The following CYP19A1 variants were observed in gnomAD, a reference collection of about 807,000 sequenced individuals.
CYP19A1 encodes the protein aromatase.
A neutral mutation model predicts 44.4 loss-of-function variants in CYP19A1; 32 were observed. The ratio of observed to expected loss-of-function variants is 0.72; its 90% CI spans 0.54 to 0.97. The LOEUF (loss-of-function observed/expected upper bound fraction) is 0.97, where lower values mean the gene tolerates loss of function less well. Among genes scored for constraint, CYP19A1 ranks in the 50% least tolerant of loss-of-function variants. The pLI, the probability that CYP19A1 is intolerant of heterozygous loss-of-function variation, is 0.00. For missense variants in CYP19A1, 598 were observed against 637.8 expected (o/e 0.94, Z 0.67); for synonymous variants, 212 against 215.6 (o/e 0.98, Z 0.14).
intron 1 of CYP19A1, among the ~76,000 whole-genome samples, chr15:51,258,634 G>C (rs28757153): frequency 1.0e-3 from 156 of 151,948 alleles, no homozygotes; most frequent in African/African-American, 3.6e-3. Flanking sequence ...TGGAGTCCAG[G>C]CCCCTGCTCC....
chr15:51,258,260 C>G (rs906479182), intron 1 of CYP19A1, among the ~76,000 whole-genome samples: 1 of 152,236 alleles, frequency 6.6e-6, no homozygotes, highest in East Asian at 1.9e-4. Context: ...TAACCATTTT[C>G]TCTCCTTTTA....
chr15:51,224,850 A>G (rs1357834794), intron 4 of CYP19A1, among the ~76,000 whole-genome samples: 2 of 152,182 alleles, frequency 1.3e-5, no homozygotes, highest in Admixed American at 1.3e-4. Context: ...ATGTATCTGC[A>G]CCAGGCACAA....
chr15:51,214,331 T>A (rs2031347946), intron 8 of CYP19A1, among the ~76,000 whole-genome samples: 1 of 152,174 alleles, frequency 6.6e-6, no homozygotes, highest in South Asian at 2.1e-4. Context: ...AGGATGAAAT[T>A]GAAGCAGAGA....
intron 1 of CYP19A1, among the ~76,000 whole-genome samples, chr15:51,275,351 G>A (rs1326229483): frequency 1.3e-5 from 2 of 152,208 alleles, no homozygotes; most frequent in South Asian, 2.1e-4. Flanking sequence ...TCTCTTCTGT[G>A]AAAAGATGCC....
chr15:51,318,931 C>G (rs1454722776), intron 1 of CYP19A1: 1 of 152,220 alleles, frequency 6.6e-6, no homozygotes. Flanking sequence ...CCACATATTT[C>G]CCCAAGCTGA....
In CYP19A1 at chr15:51,317,104, CTT is replaced by C. The variant is rs201343947; in HGVS notation, c.-39+21389_-39+21390del. 0.02 allele frequency among the ~76,000 whole-genome samples: 2,809 copies of C among 138,422 alleles called. 168 individuals carry two copies. The East Asian group carries it at 0.25, about 12-fold the overall frequency. The allele number at this position is 138,422 out of a possible 152,430, so 90.8% of individuals were successfully genotyped here. ...TTTTGGCATAAGGGAAAAATCACTT[CTT>C]TTTTTTTTTTTTTTTGACAGAGTCT... On this transcript the variant is annotated intron_variant, in intron 1 of 9. Transcript: ENST00000396402.
chr15:51,281,918 G>T lies in CYP19A1; in HGVS notation c.-38-38968C>A, dbSNP rs76833624. ...AATTTCTCTTTGTGGCTCATATTTT[G>T]GGATAGAAATGGAAGCAGAAAGGGA... On this transcript the variant is annotated intron_variant, in intron 1 of 9. Coordinates refer to ENST00000396402, the MANE Select transcript of CYP19A1 (RefSeq NM_000103.4). 8.1e-3 allele frequency among the ~76,000 whole-genome samples: 1,225 copies of T among 152,142 alleles called. 33 individuals carry two copies. The East Asian group carries it at 0.081, about 10-fold the overall frequency.
At chr15:51,292,726 A>G (rs1039623407) in intron 1 of CYP19A1, among the ~76,000 whole-genome samples, 1 of 151,864 alleles carries the variant, frequency 6.6e-6, no homozygotes, top group Non-Finnish European at 1.5e-5. Flanking sequence ...CTTTTCCTCA[A>G]CTGCACAAAG....
At chr15:51,337,194 A>T (rs898526716) in intron 1 of CYP19A1, among the ~76,000 whole-genome samples, 5 of 152,242 alleles carry the variant, frequency 3.3e-5, no homozygotes, top group African/African-American at 1.2e-4. Flanking sequence ...CTGCTGTGAG[A>T]GGACAGTTAA....
intron 1 of CYP19A1, among the ~76,000 whole-genome samples, chr15:51,247,243 T>C (rs1416451483): frequency 2.0e-5 from 3 of 152,166 alleles, no homozygotes; most frequent in Non-Finnish European, 2.9e-5. Context: ...TGCTTTATTC[T>C]CCTTTTGAGA....
chr15:51,274,880 G>A (rs900628394), intron 1 of CYP19A1, among the ~76,000 whole-genome samples: 1 of 152,172 alleles, frequency 6.6e-6, no homozygotes, highest in African/African-American at 2.4e-5. Context: ...ATAAGCCAGA[G>A]GGGACAGCAT....
At position 51,285,977 on chromosome 15, in the gene CYP19A1, C is replaced by A. The variant is rs1595758117; in HGVS notation, c.-38-43027G>T. 2.0e-5 allele frequency among the ~76,000 whole-genome samples: 3 copies of A among 152,262 alleles called. No individual in the cohort carries two copies. The East Asian group carries it at 5.8e-4, about 29-fold the overall frequency. ...TCTCACTCCTAAACACCTTACTTGCCCCCCATCCAGACGGCACCAGCTTTG... is the reference window on the plus strand; with the variant it reads ...TCTCACTCCTAAACACCTTACTTGCACCCCATCCAGACGGCACCAGCTTTG... On this transcript the variant is annotated intron_variant, in intron 1 of 9. Coordinates refer to ENST00000396402, the MANE Select transcript of CYP19A1 (RefSeq NM_000103.4).
chr15:51,269,809 C>T (rs2035058505), intron 1 of CYP19A1, among the ~76,000 whole-genome samples: 1 of 152,172 alleles, frequency 6.6e-6, no homozygotes, highest in Non-Finnish European at 1.5e-5. Flanking sequence ...CCACACAACT[C>T]GCCCTTCCCT....
intron 4 of CYP19A1, among the ~76,000 whole-genome samples, chr15:51,223,593 TCACACACACACACACA>T (rs5812545): frequency 0.019 from 1,674 of 90,214 alleles, 38 homozygotes; most frequent in Non-Finnish European, 0.02. Context: ...TCTCTCTCTC[TCACACACACACACACA>T]CACACACACA....
At chr15:51,292,395 A>G (rs913802378) in intron 1 of CYP19A1, among the ~76,000 whole-genome samples, 1 of 152,220 alleles carries the variant, frequency 6.6e-6, no homozygotes, top group Admixed American at 6.5e-5. Context: ...GCTCCTGGAC[A>G]TCATCCAGTC....
chr15:51,337,586 C>T (rs2036797598), intron 1 of CYP19A1, among the ~76,000 whole-genome samples: 1 of 152,202 alleles, frequency 6.6e-6, no homozygotes, highest in African/African-American at 2.4e-5. Context: ...GTAGAGCTCA[C>T]AGTGCTTGGG....
intron 4 of CYP19A1, 35 bp downstream of exon 4, chr15:51,227,744 C>CA: frequency 1.3e-6 from 1 of 789,820 alleles, no homozygotes; most frequent in Admixed American, 2.1e-5. Flanking sequence ...CATTCATAGA[C>CA]AAAAAAGATT....
At chr15:51,289,761 C>T (rs2035800325) in intron 1 of CYP19A1, among the ~76,000 whole-genome samples, 1 of 152,114 alleles carries the variant, frequency 6.6e-6, no homozygotes. Flanking sequence ...AAGCTCACCC[C>T]GTGAAGGGAA....
chr15:51,295,899 G>C (rs2035985456), intron 1 of CYP19A1, among the ~76,000 whole-genome samples: 1 of 152,152 alleles, frequency 6.6e-6, no homozygotes, highest in Admixed American at 6.5e-5. Context: ...AATGTGGCCA[G>C]ACCAGGAAAG....
Sources: gnomAD v4.1 joint callset for allele counts (sites outside exome capture counted in the v4.1 genomes callset) on GRCh38, gnomAD v4.1.1 for gene constraint, MANE v1.5 for transcripts, NCBI Gene and HGNC (gene_info 2026-07-23, HGNC 2026-07-21) for gene names.